The following JUP variants were observed in gnomAD, a reference collection of about 807,000 sequenced individuals.
The protein encoded by JUP is catenin (cadherin-associated protein), gamma 80kDa.
A neutral mutation model predicts 71.1 loss-of-function variants in JUP; 28 were observed. The ratio of observed to expected loss-of-function variants is 0.39; its 90% CI spans 0.29 to 0.54. JUP has a LOEUF of 0.54. JUP is among the 20% of genes least tolerant of loss of function. The pLI is 0.62. For missense variants in JUP, 869 were observed against 1,030.1 expected, an observed-to-expected ratio of 0.84 and a Z score of 2.14; for synonymous variants, 401 against 438.9, an observed-to-expected ratio of 0.91 and a Z score of 1.08.
At position 41,757,532 on chromosome 17, in the gene JUP, G is replaced by C. The variant is rs1555598746; in HGVS notation, c.1929C>G (p.Thr643=). 2.5e-6 allele frequency: 4 copies of C among 1,614,212 alleles called. No individual in the cohort carries two copies. Among genetic ancestry groups the C allele is most frequent in the South Asian group, 2.2e-5 (2 of 91,082 alleles). ...TGCGGAACAGGACGGCAGCAGCGTAGGTGGCTGAGCAGAGAGGAAAGGAAA... is the reference window on the plus strand; with the variant it reads ...TGCGGAACAGGACGGCAGCAGCGTACGTGGCTGAGCAGAGAGGAAAGGAAA... ...LLHSRNEGTA[T]YAAAVLFRIS... is the part of the protein sequence containing the mutation. Residue 643 remains threonine, a synonymous_variant, in exon 12 of 14, where the codon ACC becomes ACG. Transcript: ENST00000393931.
intron 13 of JUP, 117 bp from the exon 14 acceptor site, chr17:41,756,012 T>TC (rs1913660155): frequency 1.7e-6 from 2 of 1,144,198 alleles, no homozygotes; most frequent in Non-Finnish European, 2.5e-6. Flanking sequence ...GCCTGACCCC[T>TC]CCCCAGACCC....
intron 1 of JUP, among the ~76,000 whole-genome samples, chr17:41,782,213 C>T (rs2047202565): frequency 6.6e-6 from 1 of 152,180 alleles, no homozygotes; most frequent in Admixed American, 6.5e-5. Context: ...GACACCAGCT[C>T]CTCCCTAGAG....
intron 8 of JUP, among the ~76,000 whole-genome samples, chr17:41,760,208 C>A (rs929508412): frequency 1.2e-4 from 18 of 151,672 alleles, no homozygotes; most frequent in African/African-American, 3.9e-4. Context: ...TGTGTAGAAT[C>A]ACTTAGAGTC....
chr17:41,763,429 G>A (rs1467797838), intron 7 of JUP, 108 bp from the exon 8 acceptor site: 4 of 746,272 alleles, frequency 5.4e-6, no homozygotes, highest in Non-Finnish European at 9.1e-6. Context: ...AGCCCTGCCT[G>A]TGTGTGCCCG....
chr17:41,764,576 G>T, intron 7 of JUP, 137 bp downstream of exon 7: 1 of 615,348 alleles, frequency 1.6e-6, no homozygotes. Flanking sequence ...GGTTTTCAAG[G>T]CATTTCCAGC....
chr17:41,769,229 G>A (rs782077439), intron 3 of JUP, 22 bp from the exon 4 acceptor site: 42 of 1,594,822 alleles, frequency 2.6e-5, no homozygotes, highest in African/African-American at 9.4e-5. Context: ...AGGCAGGGGC[G>A]GGGACGTGAG....
intron 1 of JUP, among the ~76,000 whole-genome samples, chr17:41,783,291 T>TC (rs1324036385): frequency 7.2e-5 from 6 of 83,220 alleles, no homozygotes; most frequent in African/African-American, 2.3e-4. Context: ...ACGCGTTTTT[T>TC]TTGTTTTTTT....
chr17:41,770,908 G>T (rs1916547521), intron 2 of JUP, among the ~76,000 whole-genome samples: 1 of 152,240 alleles, frequency 6.6e-6, no homozygotes, highest in African/African-American at 2.4e-5. Flanking sequence ...ATCCCTGGGG[G>T]TTCCTGGGGG....
chr17:41,762,127 G>C (rs1195961597), intron 8 of JUP, among the ~76,000 whole-genome samples: 1 of 44,604 alleles, frequency 2.2e-5, no homozygotes, highest in Non-Finnish European at 3.7e-5. Flanking sequence ...GAGAGACAGA[G>C]AGAGAGAGAG....
At position 41,769,625 on chromosome 17, in the gene JUP, C is replaced by T. The variant is rs782573354; in HGVS notation, c.261G>A (p.Glu87=). 2 of 1,605,998 alleles carry T rather than the reference C, an allele frequency of 1.2e-6. No individual in the cohort carries two copies. The highest frequency in any genetic ancestry group is 1.7e-6 in the Non-Finnish European group (2 of 1,177,146). Residue 87 remains glutamate (E), a synonymous_variant, in exon 3 of 14, where the codon GAG becomes GAA. Transcript: ENST00000393931. ...CGCCTGACACACCAGGGCACATGGC[C>T]TCCCGCACCCGTTTGGCCCTGGCTG... ...STTARAKRVR[E]AMCPGVSGED...
At chr17:41,762,782 G>A (rs1283651911) in intron 8 of JUP, among the ~76,000 whole-genome samples, 1 of 152,190 alleles carries the variant, frequency 6.6e-6, no homozygotes, top group Non-Finnish European at 1.5e-5. Context: ...GGCTGGTAGA[G>A]CTACAAGATA....
chr17:41,758,122 G>A (rs1555599198), intron 10 of JUP: 1 of 525,588 alleles, frequency 1.9e-6, no homozygotes, highest in African/African-American at 1.9e-5. Flanking sequence ...GGTTCTTTCT[G>A]AAATACAGAT....
At chr17:41,780,205 T>G (rs1475244943) in intron 1 of JUP, among the ~76,000 whole-genome samples, 1 of 151,182 alleles carries the variant, frequency 6.6e-6, no homozygotes, top group Non-Finnish European at 1.5e-5. Flanking sequence ...AAGACCAGCC[T>G]GGGCAACATA....
At chr17:41,770,969 G>A (rs1395550833) in intron 2 of JUP, among the ~76,000 whole-genome samples, 3 of 152,234 alleles carry the variant, frequency 2.0e-5, no homozygotes, top group Non-Finnish European at 4.4e-5. Context: ...CCAAAGGGCT[G>A]CGTCCTCCCT....
chr17:41,776,541 C>A lies in JUP; in HGVS notation c.-8-4679G>T, dbSNP rs2046894551. 2.6e-5 allele frequency among the ~76,000 whole-genome samples: 4 copies of A among 152,236 alleles called. No homozygotes were observed. In the South Asian group the frequency reaches 8.3e-4, roughly 32 times the overall value. The stretch of plus-strand genomic sequence containing the variant: ...AACCAGCCTGGGCAACATAGTAAGA[C>A]CCTGTCTCTACAAAAAATAAAAAGA... On this transcript the variant is annotated intron_variant, in intron 1 of 13. Transcript: ENST00000393931.
chr17:41,761,004 G>T (rs1299713205), intron 8 of JUP, among the ~76,000 whole-genome samples: 4 of 152,078 alleles, frequency 2.6e-5, no homozygotes, highest in Non-Finnish European at 5.9e-5. Context: ...TGCCTTCCTT[G>T]TCTCTACATA....
rs1057518313 is a variant in JUP, at chr17:41,769,485, T to C, written c.401A>G (p.Gln134Arg). ...GCGAGTGGCCAGCTCGGCATCGTCC[T>C]GGTAGTTGATGAGATGCACAATGGC... ...KSAIVHLINY[Q>R]DDAELATRAL... Residue 134 changes from glutamine (Q) to arginine (R), a missense_variant, in exon 3 of 14, where the codon CAG becomes CGG. Coordinates refer to ENST00000393931, the MANE Select transcript of JUP (RefSeq NM_002230.4). The C allele has an allele frequency of 2.5e-6, 4 of 1,613,188 alleles. No individual in the cohort carries two copies. The highest frequency in any genetic ancestry group is 3.4e-6 in the Non-Finnish European group (4 of 1,179,748).
At chr17:41,762,166 AGAGAGAGAGAGTGTGTGTGTGTGTGT>A (rs1914962124) in intron 8 of JUP, among the ~76,000 whole-genome samples, 1 of 66,924 alleles carries the variant, frequency 1.5e-5, no homozygotes, top group Non-Finnish European at 3.0e-5. Flanking sequence ...AGAGAGAGAG[AGAGAGAGAGAGTGTGTGTGTGTGTGT>A]GTGTGTGTGT....
chr17:41,758,738 C>A lies in JUP; in HGVS notation c.1630G>T (p.Ala544Ser). ...AHQDAQRHVAAGTQQPYTDGV... is the reference protein window; with the variant it reads ...AHQDAQRHVASGTQQPYTDGV... The stretch of plus-strand genomic sequence containing the variant: ...ACCGTGTAGGGCTGCTGTGTGCCTG[C>A]AGCTACGTGGCGCTGGGCATCCTGG... Residue 544 changes from alanine to serine, a missense_variant, in exon 9 of 14, where the codon GCA becomes TCA. Transcript: ENST00000393931. 1 of 1,604,112 alleles carries A rather than the reference C, an allele frequency of 6.2e-7. No individual in the cohort carries two copies. Among genetic ancestry groups the A allele is most frequent in the South Asian group, 1.1e-5 (1 of 89,588 alleles).
Sources: gnomAD v4.1 joint callset for allele counts (sites outside exome capture counted in the v4.1 genomes callset) on GRCh38, gnomAD v4.1.1 for gene constraint, MANE v1.5 for transcripts, NCBI Gene and HGNC (gene_info 2026-07-23, HGNC 2026-07-21) for gene names.